Variants in METTL15 observed in about 807,000 individuals in gnomAD.
METTL15 encodes 12S rRNA N(4)-cytidine methyltransferase METTL15.
METTL15 carries 34 observed loss-of-function variants against 38.3 expected under a neutral mutation model. The ratio of observed to expected loss-of-function variants is 0.89; its 90% CI spans 0.68 to 1.18. The LOEUF is 1.18. Among genes scored for constraint, METTL15 ranks in the 50% most tolerant of loss-of-function variants. The probability of loss-of-function intolerance (pLI) is 0.00; values close to 1 mark genes in which losing one functional copy is unlikely to be tolerated. For synonymous variants in METTL15, 162 were observed against 170.9 expected, an observed-to-expected ratio of 0.95 and a Z score of 0.41; for missense variants, 438 against 498.4, an observed-to-expected ratio of 0.88 and a Z score of 1.15.
At chr11:28,239,442 A>G (rs1402063923) in intron 4 of METTL15, among the ~76,000 whole-genome samples, 1 of 152,116 alleles carries the variant, frequency 6.6e-6, no homozygotes, top group Non-Finnish European at 1.5e-5. Flanking sequence ...CCTACTTATC[A>G]CCTTAGCATT....
intron 3 of METTL15, chr11:28,197,323 A>G (rs1016233057): frequency 9.7e-6 from 2 of 205,200 alleles, no homozygotes; most frequent in Non-Finnish European, 2.1e-5. Flanking sequence ...TTGTATTGCT[A>G]AATTACTTTA....
At chr11:28,377,038 CT>C (rs1554916634) in intron 5 of METTL15, among the ~76,000 whole-genome samples, 4 of 129,002 alleles carry the variant, frequency 3.1e-5, no homozygotes. Context: ...CGCTGTTAGT[CT>C]GATGGGCTTC....
At chr11:28,315,649 G>A (rs1253691201) in intron 6 of METTL15, among the ~76,000 whole-genome samples, 2 of 152,244 alleles carry the variant, frequency 1.3e-5, no homozygotes, top group African/African-American at 2.4e-5. Flanking sequence ...GCATGTCAGA[G>A]GTCTTCACAG....
intron 6 of METTL15, among the ~76,000 whole-genome samples, chr11:28,311,842 A>G (rs1230785017): frequency 6.6e-6 from 1 of 152,232 alleles, no homozygotes; most frequent in Non-Finnish European, 1.5e-5. Flanking sequence ...GGACAGTGCT[A>G]TACAAATTTC....
chr11:28,373,829 A>C lies in METTL15; in HGVS notation c.*358+11793A>C, dbSNP rs564862871. ...ACATTTAAGTCTTTAATCCATCTTG[A>C]ATCGATTTTTGTATAAGGTGTAAGG... On this transcript the variant is annotated intron_variant and NMD_transcript_variant, in intron 5 of 7. Transcript: ENST00000532947. Among the ~76,000 whole-genome samples, 9 of 152,142 alleles carry C rather than the reference A, an allele frequency of 5.9e-5. No homozygotes were observed. In the South Asian group the frequency reaches 1.9e-3, roughly 32 times the overall value.
intron 4 of METTL15, among the ~76,000 whole-genome samples, chr11:28,355,949 T>C (rs1219024979): frequency 1.3e-5 from 2 of 152,206 alleles, no homozygotes; most frequent in Non-Finnish European, 2.9e-5. Flanking sequence ...CCTGGAACTT[T>C]AGCTGTCTTG....
intron 5 of METTL15, among the ~76,000 whole-genome samples, chr11:28,291,991 G>A (rs1856534053): frequency 6.6e-6 from 1 of 151,916 alleles, no homozygotes; most frequent in African/African-American, 2.4e-5. Context: ...TGGCTTTCAG[G>A]TAGATGGTAT....
At chr11:28,363,390 G>A (rs1237802803) in intron 5 of METTL15, among the ~76,000 whole-genome samples, 2 of 152,010 alleles carry the variant, frequency 1.3e-5, no homozygotes, top group African/African-American at 4.8e-5. Context: ...TGCCAGGCTG[G>A]TCTTGAACTC....
intron 3 of METTL15, chr11:28,145,669 TA>T (rs1213258156): frequency 6.6e-6 from 1 of 152,064 alleles, no homozygotes; most frequent in East Asian, 1.9e-4. Context: ...ATTTCAAAAC[TA>T]TTTAAAATTT....
At position 28,140,062 on chromosome 11, in the gene METTL15, T is replaced by G. The variant is rs369537372; in HGVS notation, c.270+26458T>G. Among the ~76,000 whole-genome samples, 16 of 152,280 alleles carry G rather than the reference T, an allele frequency of 1.1e-4. No homozygotes were observed. The East Asian group carries it at 1.7e-3, about 17-fold the overall frequency. ...CATGTGCAGACATGTCCATACACCC[T>G]AGCTGGGAGGGAAGCAGGGAGGATG... On this transcript the variant is annotated intron_variant, in intron 3 of 6. Coordinates refer to ENST00000407364, the MANE Select transcript of METTL15 (RefSeq NM_001113528.2).
At chr11:28,283,565 T>C (rs1242396902) in intron 4 of METTL15, among the ~76,000 whole-genome samples, 2 of 152,216 alleles carry the variant, frequency 1.3e-5, no homozygotes, top group African/African-American at 2.4e-5. Context: ...CTTGTATCAC[T>C]CAGTCTCAGA....
At chr11:28,335,985 G>A (rs2133350048), downstream of METTL15, among the ~76,000 whole-genome samples, 2 of 152,250 alleles carry the variant, frequency 1.3e-5, no homozygotes, top group Middle Eastern at 6.8e-3. Flanking sequence ...TGAGTACATA[G>A]TGCTATTATT....
At chr11:28,306,646 A>G (rs545171084) in intron 6 of METTL15, among the ~76,000 whole-genome samples, 53 of 152,120 alleles carry the variant, frequency 3.5e-4, no homozygotes, top group African/African-American at 1.3e-3. Flanking sequence ...CAGCTATTAT[A>G]TTTGTATGTT....
At chr11:28,494,939 T>C (rs1851524487) in intron 6 of METTL15, among the ~76,000 whole-genome samples, 1 of 152,082 alleles carries the variant, frequency 6.6e-6, no homozygotes, top group Non-Finnish European at 1.5e-5. Flanking sequence ...ACAGAGAAAA[T>C]AATGGTTCTT....
chr11:28,438,283 C>T (rs975923748), intron 6 of METTL15, among the ~76,000 whole-genome samples: 1 of 152,160 alleles, frequency 6.6e-6, no homozygotes, highest in Non-Finnish European at 1.5e-5. Context: ...ATAAAGTGAA[C>T]TATTTCAGAG....
intron 6 of METTL15, among the ~76,000 whole-genome samples, chr11:28,483,665 G>A (rs1851415770): frequency 6.6e-6 from 1 of 152,106 alleles, no homozygotes; most frequent in Non-Finnish European, 1.5e-5. Flanking sequence ...ATAGCCATGG[G>A]CAATATGTCA....
At chr11:28,446,103 A>G (rs7124345) in intron 6 of METTL15, among the ~76,000 whole-genome samples, 150,980 of 152,222 alleles carry the variant, frequency 0.99, 74,895 homozygotes, top group Middle Eastern at 1. Context: ...ATAGCAGGAT[A>G]TGTGGAGCAT....
intron 4 of METTL15, among the ~76,000 whole-genome samples, chr11:28,239,681 A>G (rs1216023096): frequency 2.0e-5 from 3 of 152,072 alleles, no homozygotes; most frequent in Non-Finnish European, 2.9e-5. Flanking sequence ...CTTTAAGTAC[A>G]CCTAGCATGT....
intron 3 of METTL15, among the ~76,000 whole-genome samples, chr11:28,147,091 A>G (rs927095836): frequency 6.6e-6 from 1 of 151,952 alleles, no homozygotes; most frequent in African/African-American, 2.4e-5. Context: ...ATTACTGAAT[A>G]AAAGAGGAAG....
Sources: allele counts gnomAD v4.1 joint callset (sites outside exome capture counted in the v4.1 genomes callset), GRCh38; gene constraint gnomAD v4.1.1; transcripts MANE v1.5; gene names NCBI Gene and HGNC (gene_info 2026-07-23, HGNC 2026-07-21).